The following RDH13 variants were observed in gnomAD, a reference collection of about 807,000 sequenced individuals.
RDH13 encodes retinol dehydrogenase 13.
A neutral mutation model predicts 28.3 loss-of-function variants in RDH13; 35 were observed. The ratio of observed to expected loss-of-function variants is 1.24; its 90% CI spans 0.95 to 1.64. The LOEUF (loss-of-function observed/expected upper bound fraction) is 1.64, where lower values mean the gene tolerates loss of function less well. Ranked by LOEUF, RDH13 falls within the 40% of genes most tolerant of loss-of-function variation. The pLI is 0.00. For synonymous variants in RDH13, 229 were observed against 198.5 expected (o/e 1.15, Z -1.29); for missense variants, 514 against 446.3 (o/e 1.15, Z -1.37).
At chr19:55,048,151 C>T (rs2075299111) in intron 5 of RDH13, 178 bp downstream of exon 5, 3 of 1,534,034 alleles carry the variant, frequency 2.0e-6, no homozygotes, top group East Asian at 2.4e-5. Context: ...CTCAGAAGAA[C>T]GATCGATTAG....
rs780670319 is a variant in RDH13 at position 55,062,985 on chromosome 19, G to A, written c.48C>T (p.Gly16=). 6 of 1,475,576 alleles carry A rather than the reference G, an allele frequency of 4.1e-6. No homozygotes were observed. The highest frequency in any genetic ancestry group is 4.5e-6 in the Non-Finnish European group (5 of 1,115,314). The allele number at this position is 1,475,576 out of a possible 1,614,324, so 91.4% of individuals were successfully genotyped here. A position where few individuals can be genotyped will look rare whatever the true frequency, so the allele number is the denominator to read the frequency against. The change falls in exon 1 of 7, where the codon GGC becomes GGT. Residue 16 remains glycine, a synonymous_variant. Coordinates refer to ENST00000415061, the MANE Select transcript of RDH13 (RefSeq NM_001145971.2). ...LPLSALGTVA[G]AAVLLKDYVT... is the part of the protein sequence containing the mutation. ...GTACTCACTTGAGCAGCACGGCGGC[G>A]CCTGCTACCGTGCCCAGCGCCGACA... is the stretch of plus-strand genomic sequence containing the variant.
At chr19:55,047,663 C>G (rs570669766) in intron 5 of RDH13, among the ~76,000 whole-genome samples, 175 bp from the exon 6 acceptor site, 1 of 152,310 alleles carries the variant, frequency 6.6e-6, no homozygotes, top group East Asian at 1.9e-4. Context: ...CGGAGCGGCT[C>G]TGCCACATGG....
chr19:55,062,624 G>C (rs538506583), intron 1 of RDH13, among the ~76,000 whole-genome samples: 4 of 152,226 alleles, frequency 2.6e-5, no homozygotes, highest in African/African-American at 7.2e-5. Context: ...AGGCTGCAGT[G>C]AGCCAAGATC....
At chr19:55,055,010 A>G (rs915878633) in intron 3 of RDH13, among the ~76,000 whole-genome samples, 8 of 152,212 alleles carry the variant, frequency 5.3e-5, no homozygotes, top group Non-Finnish European at 1.2e-4. Context: ...CTATTTAAAG[A>G]TGAACAAGAA....
At chr19:55,055,756 A>AGTGGGAGG (rs930801771) in intron 3 of RDH13, among the ~76,000 whole-genome samples, 19 of 151,274 alleles carry the variant, frequency 1.3e-4, no homozygotes, top group African/African-American at 4.7e-4. Flanking sequence ...GGGAGGCTGA[A>AGTGGGAGG]GTGGGAGGAT....
At chr19:55,061,395 C>G (rs982261877) in intron 1 of RDH13, among the ~76,000 whole-genome samples, 11 of 151,598 alleles carry the variant, frequency 7.3e-5, no homozygotes, top group African/African-American at 2.7e-4. Context: ...TCCCAAAGTG[C>G]TGCGATTACA....
chr19:55,047,570 G>GC (rs1459133213), intron 5 of RDH13, 82 bp from the exon 6 acceptor site: 11 of 1,500,854 alleles, frequency 7.3e-6, no homozygotes, highest in Non-Finnish European at 9.8e-6. Flanking sequence ...CAGCTGTGGG[G>GC]CTTCCGGGCA....
At chr19:55,051,334 C>CACGGGTAAGGCCCA (rs1056229253) in intron 3 of RDH13, among the ~76,000 whole-genome samples, 1 of 152,212 alleles carries the variant, frequency 6.6e-6, no homozygotes, top group African/African-American at 2.4e-5. Context: ...GCAGGCGCAG[C>CACGGGTAAGGCCCA]ACGGGTAAGG....
At chr19:55,055,400 G>A (rs757791246) in intron 3 of RDH13, among the ~76,000 whole-genome samples, 1 of 151,940 alleles carries the variant, frequency 6.6e-6, no homozygotes, top group African/African-American at 2.4e-5. Flanking sequence ...GGATCCACCT[G>A]CCTCAGCCTC....
In RDH13 at chr19:55,048,435, A is replaced by G. The variant is rs759127197; in HGVS notation, c.552T>C (p.Phe184=). The part of the protein sequence containing the change: ...SLAHVAGHID[F]DDLNWQTRKY... ...TCCTCGTCTGCCAGTTCAAGTCGTC[A>G]AAGTCTATGTGCCCAGCAACATGGG... The change falls in exon 5 of 7, where the codon TTT becomes TTC. Residue 184 remains phenylalanine (F), a synonymous_variant. Transcript: ENST00000415061. The G allele has an allele frequency of 5.0e-6, 8 of 1,614,224 alleles. No homozygotes were observed. Among genetic ancestry groups the G allele is most frequent in the African/African-American group, 1.3e-5 (1 of 75,060 alleles).
chr19:55,059,018 C>A, intron 2 of RDH13, 139 bp downstream of exon 2: 1 of 647,742 alleles, frequency 1.5e-6, no homozygotes, highest in South Asian at 1.9e-5. Flanking sequence ...ATGCCCCTGT[C>A]TATAGAAGCC....
At position 55,045,164 on chromosome 19, in the gene RDH13, A is replaced by T. The variant is rs528289625; in HGVS notation, c.906T>A (p.Asp302Glu). 887 of 1,613,628 alleles carry T rather than the reference A, an allele frequency of 5.5e-4. 15 individuals carry two copies. The South Asian group carries it at 9.0e-3, about 16-fold the overall frequency. Residue 302 changes from aspartate (D) to glutamate (E), a missense_variant, in exon 7 of 7, where the codon GAT becomes GAA. Transcript: ENST00000415061. ...CCCAAAGCCTCCGGGCCACCTCCTC[A>T]TCCTCAGCCTCGGGGGCCGGGGCCT... The part of the protein sequence containing the change: ...KQKAPAPEAE[D>E]EEVARRLWAE...
intron 2 of RDH13, among the ~76,000 whole-genome samples, chr19:55,057,738 A>G (rs2075684688): frequency 6.6e-6 from 1 of 151,274 alleles, no homozygotes; most frequent in Non-Finnish European, 1.5e-5. Context: ...CCAGCCTCCA[A>G]TTTTTTTTGT....
At chr19:55,048,860 T>C (rs2075333360) in intron 3 of RDH13, 97 bp from the exon 4 acceptor site, 13 of 1,091,056 alleles carry the variant, frequency 1.2e-5, no homozygotes, top group South Asian at 6.9e-5. Flanking sequence ...AACCTGTGAA[T>C]GTGGCCTGTG....
chr19:55,039,149 G>A (rs2074946149), exon 3 of RDH13: 1 of 152,160 alleles, frequency 6.6e-6, no homozygotes, highest in African/African-American at 2.4e-5. Context: ...ATAGCCAAAA[G>A]GTGAAACCAC....
chr19:55,055,607 ACCT>A (rs2147044460), intron 3 of RDH13, among the ~76,000 whole-genome samples: 1 of 151,582 alleles, frequency 6.6e-6, no homozygotes, highest in South Asian at 2.1e-4. Flanking sequence ...TGGGAAGCTG[ACCT>A]GGGTGGATCA....
At chr19:55,053,398 G>A (rs1251524704) in intron 3 of RDH13, among the ~76,000 whole-genome samples, 3 of 152,112 alleles carry the variant, frequency 2.0e-5, no homozygotes, top group South Asian at 2.1e-4. Context: ...GCTCATGCCT[G>A]TAATCCCAGC....
upstream of RDH13, among the ~76,000 whole-genome samples, chr19:55,066,671 CTCCCTTCCTCTTCCTCTCTCTCCTT>C (rs2147094211): frequency 6.6e-6 from 1 of 150,576 alleles, no homozygotes; most frequent in Admixed American, 6.7e-5. Flanking sequence ...CTCTCTTCCT[CTCCCTTCCTCTTCCTCTCTCTCCTT>C]CTTTCTTCCT....
chr19:55,056,830 A>G (rs2075653163), intron 2 of RDH13, 22 bp from the exon 3 acceptor site: 1 of 1,602,200 alleles, frequency 6.2e-7, no homozygotes, highest in Admixed American at 1.7e-5. Flanking sequence ...GGATGGAAAA[A>G]GATTTAAATT....
Sources: gnomAD v4.1 joint callset for allele counts (sites outside exome capture counted in the v4.1 genomes callset) on GRCh38, gnomAD v4.1.1 for gene constraint, MANE v1.5 for transcripts, NCBI Gene and HGNC (gene_info 2026-07-23, HGNC 2026-07-21) for gene names.